NKAIN3: variants seen among roughly 807,000 people sequenced by gnomAD.
NKAIN3 encodes the protein sodium/potassium transporting ATPase interacting 3, also known as sodium/potassium-transporting ATPase subunit beta-1-interacting protein 3.
A neutral mutation model predicts 30.2 loss-of-function variants in NKAIN3; 25 were observed. The ratio of observed to expected loss-of-function variants is 0.83; its 90% confidence interval spans 0.60 to 1.16. The LOEUF (loss-of-function observed/expected upper bound fraction) is 1.16. Ranked by LOEUF, NKAIN3 falls within the 50% of genes most tolerant of loss-of-function variation. The pLI, the probability that NKAIN3 is intolerant of heterozygous loss-of-function variation, is 0.00. For missense variants in NKAIN3, 225 were observed against 254.1 expected (o/e 0.89, Z 0.78); for synonymous variants, 91 against 89.6 (o/e 1.02, Z -0.09).
At chr8:62,289,848 A>G (rs1813525284) in intron 1 of NKAIN3, among the ~76,000 whole-genome samples, 1 of 152,058 alleles carries the variant, frequency 6.6e-6, no homozygotes, top group African/African-American at 2.4e-5. Flanking sequence ...GGCCATTTTC[A>G]CAATATTGAT....
At chr8:62,508,287 A>G (rs1327565170) in intron 1 of NKAIN3, among the ~76,000 whole-genome samples, 3 of 152,098 alleles carry the variant, frequency 2.0e-5, no homozygotes, top group East Asian at 1.9e-4. Context: ...ACAGAGGGAC[A>G]TTTTTTTGCT....
chr8:62,407,953 G>A (rs376983627), intron 1 of NKAIN3, among the ~76,000 whole-genome samples: 193 of 152,296 alleles, frequency 1.3e-3, no homozygotes, highest in African/African-American at 4.5e-3. Context: ...TTGAGGCCAG[G>A]AGTTGGAGGC....
chr8:62,395,865 C>T (rs1411917213), intron 1 of NKAIN3, among the ~76,000 whole-genome samples: 1 of 152,050 alleles, frequency 6.6e-6, no homozygotes, highest in East Asian at 1.9e-4. Context: ...AAAGTAGTTG[C>T]ATAGCTATTT....
chr8:62,381,720 C>A (rs1276167375), intron 1 of NKAIN3, among the ~76,000 whole-genome samples: 1 of 152,138 alleles, frequency 6.6e-6, no homozygotes, highest in Non-Finnish European at 1.5e-5. Context: ...GAACTCAGTT[C>A]TCCTAACTAC....
intron 1 of NKAIN3, among the ~76,000 whole-genome samples, chr8:62,450,579 A>G (rs1331270226): frequency 6.6e-6 from 1 of 152,182 alleles, no homozygotes; most frequent in Non-Finnish European, 1.5e-5. Context: ...AGGGAGTACT[A>G]TTACTATCTT....
At chr8:62,868,511 C>T (rs1820493779) in intron 4 of NKAIN3, among the ~76,000 whole-genome samples, 1 of 152,008 alleles carries the variant, frequency 6.6e-6, no homozygotes, top group Admixed American at 6.5e-5. Flanking sequence ...TTGGATTAAC[C>T]CTCGACCTGG....
intron 4 of NKAIN3, among the ~76,000 whole-genome samples, chr8:62,830,807 A>G (rs1353833055): frequency 6.6e-6 from 1 of 152,122 alleles, no homozygotes; most frequent in Non-Finnish European, 1.5e-5. Flanking sequence ...GAGAATTCTC[A>G]CCTCCATGCC....
At chr8:62,701,245 G>A (rs1032145785) in intron 3 of NKAIN3, among the ~76,000 whole-genome samples, 4 of 152,146 alleles carry the variant, frequency 2.6e-5, no homozygotes, top group Admixed American at 1.3e-4. Context: ...AAACATGGCA[G>A]CAGACCAGTG....
intron 3 of NKAIN3, among the ~76,000 whole-genome samples, chr8:62,706,509 C>T (rs1211522804): frequency 6.6e-6 from 1 of 152,004 alleles, no homozygotes; most frequent in East Asian, 1.9e-4. Context: ...ATGGCAGTTT[C>T]CATTCATTCG....
At chr8:62,446,896 T>C (rs751630006) in intron 1 of NKAIN3, among the ~76,000 whole-genome samples, 2 of 152,104 alleles carry the variant, frequency 1.3e-5, no homozygotes, top group Non-Finnish European at 2.9e-5. Flanking sequence ...TTTTTGGCTA[T>C]TGTGACTAAT....
intron 4 of NKAIN3, among the ~76,000 whole-genome samples, chr8:62,911,837 G>T (rs185700011): frequency 9.2e-5 from 14 of 152,118 alleles, no homozygotes; most frequent in African/African-American, 3.4e-4. Flanking sequence ...AGGATAATCC[G>T]TGGAAGCATG....
rs1823996698 is a variant in NKAIN3 at position 62,978,545 on chromosome 8, T to A, written c.*13138T>A. 1 of 152,218 alleles carries A rather than the reference T, an allele frequency of 6.6e-6. No individual in the cohort carries two copies. Among genetic ancestry groups the A allele is most frequent in the African/African-American group, 2.4e-5 (1 of 41,430 alleles). 9.4% of individuals were successfully genotyped at this position (152,218 alleles called of 1,614,324 possible). A position where few individuals can be genotyped will look rare whatever the true frequency, so the allele number is the denominator to read the frequency against. On this transcript the variant is annotated 3_prime_UTR_variant, in exon 7 of 7. Transcript: ENST00000623646. ...GGAAAACTGCCTACTCAAGCCTCAGTAATGGCAGATACCTCTCCCCCAACC... is the reference window on the plus strand; with the variant it reads ...GGAAAACTGCCTACTCAAGCCTCAGAAATGGCAGATACCTCTCCCCCAACC...
intron 3 of NKAIN3, among the ~76,000 whole-genome samples, chr8:62,682,519 C>T (rs1813673837): frequency 6.6e-6 from 1 of 152,242 alleles, no homozygotes; most frequent in Non-Finnish European, 1.5e-5. Context: ...CAGATGTGGG[C>T]AGGTGGGGAG....
chr8:62,584,721 C>A (rs372252839), intron 2 of NKAIN3, among the ~76,000 whole-genome samples: 1 of 152,152 alleles, frequency 6.6e-6, no homozygotes. Flanking sequence ...TTTAATAATC[C>A]TCAATTAAAT....
intron 3 of NKAIN3, among the ~76,000 whole-genome samples, chr8:62,643,419 C>T (rs1179108737): frequency 2.6e-5 from 4 of 152,052 alleles, no homozygotes; most frequent in Non-Finnish European, 5.9e-5. Context: ...ATGTCCAAGG[C>T]AGTTAATCCT....
chr8:62,350,671 A>T (rs1816151880), intron 1 of NKAIN3, among the ~76,000 whole-genome samples: 1 of 152,012 alleles, frequency 6.6e-6, no homozygotes, highest in African/African-American at 2.4e-5. Context: ...TGCCTTAGAG[A>T]GTAATGAGCT....
chr8:62,802,580 C>T (rs953122062), intron 4 of NKAIN3, among the ~76,000 whole-genome samples: 6 of 152,094 alleles, frequency 3.9e-5, no homozygotes, highest in African/African-American at 1.4e-4. Context: ...ATTTTGTCAC[C>T]ACCAGGCCTG....
intron 1 of NKAIN3, among the ~76,000 whole-genome samples, chr8:62,543,000 C>G (rs1747374892): frequency 6.6e-6 from 1 of 152,258 alleles, no homozygotes; most frequent in African/African-American, 2.4e-5. Context: ...TAATGAGACA[C>G]TGAAGTGGTG....
intron 1 of NKAIN3, among the ~76,000 whole-genome samples, chr8:62,524,282 G>A (rs1018970980): frequency 4.0e-5 from 6 of 151,886 alleles, no homozygotes; most frequent in Non-Finnish European, 7.4e-5. Flanking sequence ...TTTAAGGCAA[G>A]TAATTGTTTT....
Sources: allele counts gnomAD v4.1 joint callset (sites outside exome capture counted in the v4.1 genomes callset), GRCh38; gene constraint gnomAD v4.1.1; transcripts MANE v1.5; gene names NCBI Gene and HGNC (gene_info 2026-07-23, HGNC 2026-07-21).